Variants in ARL14EP observed in about 807,000 individuals in gnomAD.
The protein encoded by ARL14EP is ARF like GTPase 14 effector protein.
Under a neutral mutation model 23.1 loss-of-function variants are expected in ARL14EP, and 12 were observed. The observed-to-expected ratio is 0.52, with a 90% confidence interval of 0.33 to 0.84. The LOEUF (loss-of-function observed/expected upper bound fraction) is 0.84. ARL14EP is among the 40% of genes least tolerant of loss of function. The pLI is 0.02. For synonymous variants in ARL14EP, 97 were observed against 102.0 expected (o/e 0.95, Z 0.29); for missense variants, 253 against 307.3 (o/e 0.82, Z 1.32).
intron 1 of ARL14EP, 50 bp downstream of exon 1, chr11:30,323,252 A>C (rs1222217): frequency 6.5e-6 from 1 of 152,758 alleles, no homozygotes; most frequent in Admixed American, 6.5e-5. Flanking sequence ...GAGTGGAGAC[A>C]GGCCCCTGGG....
rs1322445204 is a variant in ARL14EP at position 30,333,030 on chromosome 11, G to C, written c.554+37G>C. 7 of 1,608,980 alleles carry C rather than the reference G, an allele frequency of 4.4e-6. No homozygotes were observed. The Middle Eastern group carries it at 1.2e-3, about 267-fold the overall frequency. On this transcript the variant is annotated intron_variant, in intron 3 of 3. Transcript: ENST00000282032. Reference sequence around the variant, plus strand: ...GTTACTGAAGACATGTTAACTTGCTGCTTCACATCTGCATTGTTCCCCTAT... The same window carrying C: ...GTTACTGAAGACATGTTAACTTGCTCCTTCACATCTGCATTGTTCCCCTAT...
chr11:30,325,682 C>A (rs1265152665), intron 1 of ARL14EP, among the ~76,000 whole-genome samples: 1 of 151,984 alleles, frequency 6.6e-6, no homozygotes, highest in Non-Finnish European at 1.5e-5. Context: ...GCAAATTAAT[C>A]TTTTCTTGCG....
rs1170439129 is a variant in ARL14EP, at chr11:30,337,850, A to G, written c.*1055A>G. On this transcript the variant is annotated 3_prime_UTR_variant, in exon 4 of 4. Coordinates refer to ENST00000282032, the MANE Select transcript of ARL14EP (RefSeq NM_152316.3). ...CAAACTACTTTGTTTTTACAATGAA[A>G]TAAAACACTTTAATTCTATTTCTAA... 2 of 152,264 alleles carry G rather than the reference A, an allele frequency of 1.3e-5. No homozygotes were observed. Among genetic ancestry groups the G allele is most frequent in the South Asian group, 2.1e-4 (1 of 4,838 alleles). 9.4% of individuals were successfully genotyped at this position (152,264 alleles called of 1,614,324 possible).
At chr11:30,336,469 TA>T in intron 3 of ARL14EP, 97 bp from the exon 4 acceptor site, 2 of 1,167,934 alleles carry the variant, frequency 1.7e-6, no homozygotes, top group Non-Finnish European at 2.4e-6. Context: ...TGACCTCATC[TA>T]AAAATATTTT....
chr11:30,329,719 T>G (rs1337732305), intron 1 of ARL14EP: 1 of 152,176 alleles, frequency 6.6e-6, no homozygotes, highest in Non-Finnish European at 1.5e-5. Context: ...TTTGTTCTCT[T>G]TCTCTGTGAA....
intron 1 of ARL14EP, chr11:30,330,618 A>G (rs1014492283): frequency 4.0e-6 from 1 of 247,484 alleles, no homozygotes; most frequent in Non-Finnish European, 7.9e-6. Flanking sequence ...TGTATTTCTC[A>G]TGTATCTTAG....
chr11:30,326,930 A>G (rs1169649933), intron 1 of ARL14EP, among the ~76,000 whole-genome samples: 1 of 152,218 alleles, frequency 6.6e-6, no homozygotes, highest in Non-Finnish European at 1.5e-5. Context: ...GTCTTCTATC[A>G]GATAGGATAT....
chr11:30,330,787 T>C (rs1947275961), intron 1 of ARL14EP, 99 bp from the exon 2 acceptor site: 1 of 662,008 alleles, frequency 1.5e-6, no homozygotes, highest in African/African-American at 1.8e-5. Context: ...TTTTATTCCT[T>C]ATTTTCTTTT....
intron 3 of ARL14EP, among the ~76,000 whole-genome samples, chr11:30,334,861 C>T (rs1947319428): frequency 6.6e-6 from 1 of 152,216 alleles, no homozygotes; most frequent in Non-Finnish European, 1.5e-5. Flanking sequence ...CCTGATCACT[C>T]AGGAGCTCTG....
chr11:30,336,565 A>G lies in ARL14EP; in HGVS notation c.555-2A>G. On this transcript the variant is annotated splice_acceptor_variant, in intron 3 of 3. Coordinates refer to ENST00000282032, the MANE Select transcript of ARL14EP (RefSeq NM_152316.3). LOFTEE classifies it high-confidence loss of function. Reference sequence around the variant, plus strand: ...TATAATTCATTGTGTTTTATTTTACAGACAAGTGATACCAGCAAAGAGTAA... The same window carrying G: ...TATAATTCATTGTGTTTTATTTTACGGACAAGTGATACCAGCAAAGAGTAA... 1 of 1,608,636 alleles carries G rather than the reference A, an allele frequency of 6.2e-7. No homozygotes were observed. Among genetic ancestry groups the G allele is most frequent in the Non-Finnish European group, 8.5e-7 (1 of 1,175,088 alleles).
intron 3 of ARL14EP, among the ~76,000 whole-genome samples, chr11:30,333,630 T>C (rs1459454211): frequency 6.6e-6 from 1 of 152,170 alleles, no homozygotes; most frequent in African/African-American, 2.4e-5. Flanking sequence ...TCTCTCCCTC[T>C]CCTCAGGTGT....
intron 3 of ARL14EP, among the ~76,000 whole-genome samples, chr11:30,333,429 ATC>A (rs1565009831): frequency 1.3e-5 from 2 of 152,054 alleles, no homozygotes; most frequent in African/African-American, 4.8e-5. Flanking sequence ...TGTACTCCCT[ATC>A]TCTGTCGCAT....
intron 1 of ARL14EP, chr11:30,329,384 A>T (rs1300292432): frequency 2.0e-5 from 3 of 152,088 alleles, no homozygotes; most frequent in Admixed American, 6.5e-5. Context: ...TTCACTGCCA[A>T]AGGCAGTGAA....
At chr11:30,329,199 A>C (rs1947264035) in intron 1 of ARL14EP, 1 of 152,078 alleles carries the variant, frequency 6.6e-6, no homozygotes, top group Non-Finnish European at 1.5e-5. Flanking sequence ...TTTAAATTTT[A>C]CCTTTAATGA....
chr11:30,324,234 T>A (rs974620870), intron 1 of ARL14EP, among the ~76,000 whole-genome samples: 6 of 152,200 alleles, frequency 3.9e-5, no homozygotes, highest in Admixed American at 3.3e-4. Context: ...TAAGACCCTA[T>A]GCCAAGAAAA....
In ARL14EP at chr11:30,330,975, C is replaced by T. The variant is rs994629542; in HGVS notation, c.27C>T (p.Val9=). The T allele has an allele frequency of 6.2e-7, 1 of 1,613,652 alleles. No individual in the cohort carries two copies. Among genetic ancestry groups the T allele is most frequent in the South Asian group, 1.1e-5 (1 of 91,054 alleles). Reference sequence around the variant, plus strand: ...TGATGGATCCATGTTCAGTTGGAGTCCAGCTTCGTACTACAAATGAGTGCC... The same window carrying T: ...TGATGGATCCATGTTCAGTTGGAGTTCAGCTTCGTACTACAAATGAGTGCC... MMDPCSVG[V]QLRTTNECHK... Residue 9 remains valine (V), a synonymous_variant, in exon 2 of 4, where the codon GTC becomes GTT. Transcript: ENST00000282032.
chr11:30,331,130 TA>T lies in ARL14EP; in HGVS notation c.187del (p.Ile63PhefsTer23). The T allele has an allele frequency of 6.2e-7, 1 of 1,613,962 alleles. No individual in the cohort carries two copies. Among genetic ancestry groups the T allele is most frequent in the South Asian group, 1.1e-5 (1 of 91,086 alleles). ...SGNNTICFHH[V>X]KIYIDRFEDL... ...AACAATACAATTTGCTTTCATCATG[TA>T]AAAATTTACATTGACAGATTTGAGG... On this transcript the variant is annotated frameshift_variant, in exon 2 of 4. Transcript: ENST00000282032. LOFTEE classifies it high-confidence loss of function.
In ARL14EP at chr11:30,336,851, C is replaced by G; in HGVS notation, c.*56C>G. The G allele has an allele frequency of 1.4e-6, 2 of 1,433,438 alleles. No homozygotes were observed. Among genetic ancestry groups the G allele is most frequent in the Non-Finnish European group, 2.0e-6 (2 of 1,022,150 alleles). 88.8% of individuals were successfully genotyped at this position (1,433,438 alleles called of 1,614,324 possible). A position where few individuals can be genotyped will look rare whatever the true frequency, so the allele number is the denominator to read the frequency against. On this transcript the variant is annotated 3_prime_UTR_variant, in exon 4 of 4. Transcript: ENST00000282032. ...GGTCTTTATTTCTAAAAATCTGTTA[C>G]TCTAAGATACATTTTAAGCTTGATT...
At chr11:30,331,842 C>G in intron 2 of ARL14EP, 49 of 975,722 alleles carry the variant, frequency 5.0e-5, no homozygotes, top group Non-Finnish European at 5.9e-5. Context: ...CTTTTTTTCT[C>G]CTTTGACACT....
Sources: gnomAD v4.1 joint callset for allele counts (sites outside exome capture counted in the v4.1 genomes callset) on GRCh38, gnomAD v4.1.1 for gene constraint, MANE v1.5 for transcripts, NCBI Gene and HGNC (gene_info 2026-07-23, HGNC 2026-07-21) for gene names.